Variants in CAMTA1 observed in about 807,000 individuals in gnomAD.
CAMTA1 encodes calmodulin-binding transcription activator 1.
In CAMTA1, 27 loss-of-function variants were observed where a neutral mutation model predicts 170.9. The observed-to-expected ratio is 0.16, with a 90% CI of 0.12 to 0.22. CAMTA1 has a LOEUF of 0.22. Among genes scored for constraint, CAMTA1 ranks in the 10% least tolerant of loss-of-function variants. The pLI, the probability that CAMTA1 is intolerant of heterozygous loss-of-function variation, is 1.00. For synonymous variants in CAMTA1, 833 were observed against 891.5 expected (o/e 0.93, Z 1.17); for missense variants, 1,619 against 2,217.2 (o/e 0.73, Z 5.42).
rs1275555065 is a variant in CAMTA1 at position 7,562,244 on chromosome 1, G to A, written c.511-78156G>A. Among the ~76,000 whole-genome samples the A allele has an allele frequency of 1.3e-5, 2 of 152,196 alleles. No homozygotes were observed. Among genetic ancestry groups the A allele is most frequent in the Non-Finnish European group, 2.9e-5 (2 of 68,032 alleles). ...AGCACTACACAAAACTTTAAAGAAT[G>A]TGTGTTAGACAACTGTCACTCAGCA... is the stretch of plus-strand genomic sequence containing the variant. On this transcript the variant is annotated intron_variant, in intron 6 of 22. Transcript: ENST00000303635. This position sits in a 1 kb window ranked among gnomAD's most constrained non-coding sequence, Gnocchi z 4.8.
chr1:7,061,738 G>C (rs1470526842), intron 3 of CAMTA1, among the ~76,000 whole-genome samples: 1 of 150,134 alleles, frequency 6.7e-6, no homozygotes, highest in Non-Finnish European at 1.5e-5. Context: ...GGGAGAAGGG[G>C]CAGTGCCAGG....
At chr1:7,386,838 C>T (rs1470199333) in intron 5 of CAMTA1, among the ~76,000 whole-genome samples, 3 of 152,218 alleles carry the variant, frequency 2.0e-5, no homozygotes, top group Non-Finnish European at 1.5e-5. Context: ...ATACAGGCCA[C>T]TGAAACTGTT....
chr1:6,934,709 C>T lies in CAMTA1; in HGVS notation c.234+109499C>T, dbSNP rs947246213. On this transcript the variant is annotated intron_variant, in intron 3 of 22. Transcript: ENST00000303635. This position sits in a 1 kb window ranked among gnomAD's most constrained non-coding sequence, Gnocchi z 4.5. ...CCTCCCCTCTCTCCCCTCTTATGCC[C>T]GCACCATGGCTTTACCTAGCCCTGC... Among the ~76,000 whole-genome samples the T allele has an allele frequency of 6.6e-6, 1 of 152,080 alleles. No homozygotes were observed. The highest frequency in any genetic ancestry group is 2.4e-5 in the African/African-American group (1 of 41,410).
At chr1:7,446,150 G>A (rs751503687) in intron 5 of CAMTA1, among the ~76,000 whole-genome samples, 1 of 149,456 alleles carries the variant, frequency 6.7e-6, no homozygotes, top group Non-Finnish European at 1.5e-5. Context: ...ATTTCTCTCT[G>A]GAATATTGAG....
chr1:6,864,562 C>T (rs1665925350), intron 3 of CAMTA1, among the ~76,000 whole-genome samples: 1 of 152,212 alleles, frequency 6.6e-6, no homozygotes, highest in South Asian at 2.1e-4. Context: ...TGCCAAGCCC[C>T]TCTCGCCTTG....
chr1:7,345,233 C>T (rs845246), intron 5 of CAMTA1, among the ~76,000 whole-genome samples: 58,302 of 152,114 alleles, frequency 0.38, 11,987 homozygotes, highest in Non-Finnish European at 0.45. Flanking sequence ...ACTTTTAATA[C>T]AGTCAGTGTT....
In CAMTA1 at chr1:7,000,684, A is replaced by G. The variant is rs75420150; in HGVS notation, c.235-90620A>G. ...GGTGCTTCTGACTTGTTTACCACAT[A>G]TGTTTCCTTTCAGGTTCATTCTTCC... On this transcript the variant is annotated intron_variant, in intron 3 of 22. Transcript: ENST00000303635. Among the ~76,000 whole-genome samples the G allele has an allele frequency of 3.5e-4, 53 of 152,158 alleles. No individual in the cohort carries two copies. In the East Asian group the frequency reaches 8.1e-3, roughly 23 times the overall value.
At chr1:7,337,538 G>T (rs1259069637) in intron 5 of CAMTA1, among the ~76,000 whole-genome samples, 1 of 125,036 alleles carries the variant, frequency 8.0e-6, no homozygotes, top group Admixed American at 7.9e-5. Flanking sequence ...AGTGTGGGCC[G>T]TGGGCTGCAT....
intron 10 of CAMTA1, 40 bp from the exon 11 acceptor site, chr1:7,677,559 C>A: frequency 6.3e-7 from 1 of 1,598,974 alleles, no homozygotes; most frequent in Non-Finnish European, 8.5e-7. Flanking sequence ...CTGTAGGTAC[C>A]CACCCATCCC....
intron 3 of CAMTA1, among the ~76,000 whole-genome samples, chr1:6,846,384 A>G (rs1183105736): frequency 9.9e-5 from 15 of 152,192 alleles, no homozygotes. Context: ...TTTTCATTTG[A>G]ATGTTTGTTA....
At chr1:7,598,170 G>T (rs2095415109) in intron 6 of CAMTA1, among the ~76,000 whole-genome samples, 1 of 149,340 alleles carries the variant, frequency 6.7e-6, no homozygotes, top group African/African-American at 2.5e-5. Flanking sequence ...CCACCTATGA[G>T]TGAGAACATG....
intron 3 of CAMTA1, among the ~76,000 whole-genome samples, chr1:6,868,349 C>CA (rs1301192925): frequency 7.5e-6 from 1 of 132,828 alleles, no homozygotes; most frequent in Non-Finnish European, 1.6e-5. Context: ...CAAAACAAAA[C>CA]AAAAAACGAC....
At position 7,144,043 on chromosome 1, in the gene CAMTA1, A is replaced by G. The variant is rs1646037401; in HGVS notation, c.302+52672A>G. The stretch of plus-strand genomic sequence containing the variant: ...AATCTAGGTATGCAATTTTAATTGC[A>G]TCTGTCTTAAGTCAGGCTGCCGTAA... On this transcript the variant is annotated intron_variant, in intron 4 of 22. Coordinates refer to ENST00000303635, the MANE Select transcript of CAMTA1 (RefSeq NM_015215.4). This position sits in a 1 kb window ranked among gnomAD's most constrained non-coding sequence, Gnocchi z 4.0. Among the ~76,000 whole-genome samples, 1 of 152,194 alleles carries G rather than the reference A, an allele frequency of 6.6e-6. No homozygotes were observed. Among genetic ancestry groups the G allele is most frequent in the African/African-American group, 2.4e-5 (1 of 41,448 alleles).
Position 7,736,613 on chromosome 1 carries a change from C to A in CAMTA1, c.3263+73C>A. 7.0e-7 allele frequency: 1 copy of A among 1,436,332 alleles called. No homozygotes were observed. The highest frequency in any genetic ancestry group is 9.8e-7 in the Non-Finnish European group (1 of 1,025,440). The allele number at this position is 1,436,332 out of a possible 1,614,324, so 89.0% of individuals were successfully genotyped here. On this transcript the variant is annotated intron_variant, in intron 13 of 22. Coordinates refer to ENST00000303635, the MANE Select transcript of CAMTA1 (RefSeq NM_015215.4). This position sits in a 1 kb window ranked among gnomAD's most constrained non-coding sequence, Gnocchi z 4.5. ...CTCACATTCTTCCTGAGCACTGCCA[C>A]CCGTGGAAGAAATCTACCCATTCAG...
At chr1:7,096,966 T>C (rs1441090205) in intron 4 of CAMTA1, among the ~76,000 whole-genome samples, 1 of 152,170 alleles carries the variant, frequency 6.6e-6, no homozygotes, top group Non-Finnish European at 1.5e-5. Flanking sequence ...TAGGTACTGC[T>C]ACAACTGGGG....
intron 4 of CAMTA1, among the ~76,000 whole-genome samples, chr1:7,103,626 C>CAACAT (rs1302016695): frequency 6.7e-6 from 1 of 149,516 alleles, no homozygotes; most frequent in African/African-American, 2.5e-5. Flanking sequence ...CACGCACACA[C>CAACAT]AACTACACAC....
intron 5 of CAMTA1, among the ~76,000 whole-genome samples, chr1:7,393,329 A>G (rs1229942899): frequency 6.6e-6 from 1 of 151,996 alleles, no homozygotes; most frequent in Non-Finnish European, 1.5e-5. Flanking sequence ...CAGTGGTGTG[A>G]CCACCAGCTC....
chr1:7,297,186 C>T (rs1674077536), intron 5 of CAMTA1, among the ~76,000 whole-genome samples: 1 of 152,166 alleles, frequency 6.6e-6, no homozygotes, highest in Admixed American at 6.5e-5. Context: ...TGGTATATCT[C>T]TATTCTAGAT....
chr1:7,340,208 AG>A (rs1192740556), intron 5 of CAMTA1, among the ~76,000 whole-genome samples: 1 of 152,248 alleles, frequency 6.6e-6, no homozygotes, highest in Non-Finnish European at 1.5e-5. Flanking sequence ...AAATACAGGC[AG>A]CAGGCTGAAT....
Sources: allele counts gnomAD v4.1 joint callset (sites outside exome capture counted in the v4.1 genomes callset), GRCh38; gene constraint gnomAD v4.1.1; non-coding constraint Gnocchi (gnomAD v3.1); transcripts MANE v1.5; gene names NCBI Gene and HGNC (gene_info 2026-07-23, HGNC 2026-07-21).